CEP112: variants seen among roughly 807,000 people sequenced by gnomAD.
The protein encoded by CEP112 is centrosomal protein of 112 kDa.
In CEP112, 127 loss-of-function variants were observed where a neutral mutation model predicts 153.0. That is an observed-to-expected ratio of 0.83 (90% CI 0.72 to 0.96). CEP112 has a LOEUF of 0.96. Among genes scored for constraint, CEP112 ranks in the 40% least tolerant of loss-of-function variants. The pLI is 0.00. For synonymous variants in CEP112, 358 were observed against 374.4 expected (o/e 0.96, Z 0.51); for missense variants, 1,089 against 1,101.2 (o/e 0.99, Z 0.16).
rs144973913 is a variant in CEP112 at position 65,777,023 on chromosome 17, G to T, written c.2395-26299C>A. Among the ~76,000 whole-genome samples, 1,268 of 152,178 alleles carry T rather than the reference G, an allele frequency of 8.3e-3. 14 individuals carry two copies. Among genetic ancestry groups the T allele is most frequent in the South Asian group, 0.02 (97 of 4,822 alleles). ...TCCATAAGAATAAAATTTTTGGTTG[G>T]GCATCTGCTGTCCAGAATAAAGACT... On this transcript the variant is annotated intron_variant, in intron 21 of 26. Coordinates refer to ENST00000535342, the MANE Select transcript of CEP112 (RefSeq NM_001199165.4).
chr17:66,112,021 T>A (rs989683826), intron 6 of CEP112, among the ~76,000 whole-genome samples: 22 of 152,160 alleles, frequency 1.4e-4, no homozygotes, highest in African/African-American at 5.1e-4. Context: ...CCGGGTGCGG[T>A]GGCTCACACC....
chr17:66,157,442 C>T (rs2071493503), intron 4 of CEP112, among the ~76,000 whole-genome samples: 1 of 152,040 alleles, frequency 6.6e-6, no homozygotes, highest in Non-Finnish European at 1.5e-5. Context: ...TTATAAAAAC[C>T]ATCGACACTA....
chr17:65,889,623 C>T (rs370778719), intron 20 of CEP112, among the ~76,000 whole-genome samples: 3 of 152,238 alleles, frequency 2.0e-5, no homozygotes, highest in African/African-American at 7.2e-5. Flanking sequence ...TAGGAGATCT[C>T]ATCTTCACTG....
chr17:65,868,085 T>C (rs553769541), intron 20 of CEP112, among the ~76,000 whole-genome samples: 2 of 152,182 alleles, frequency 1.3e-5, no homozygotes, highest in African/African-American at 4.8e-5. Flanking sequence ...ATTCTTTCTG[T>C]TATATTTGGT....
chr17:65,699,868 A>G (rs2048538372), intron 23 of CEP112, among the ~76,000 whole-genome samples: 1 of 152,178 alleles, frequency 6.6e-6, no homozygotes, highest in Non-Finnish European at 1.5e-5. Flanking sequence ...CTCCTTCCTC[A>G]TCAGTGATCT....
chr17:65,908,048 C>A (rs187040634), intron 19 of CEP112, among the ~76,000 whole-genome samples: 1 of 152,150 alleles, frequency 6.6e-6, no homozygotes, highest in East Asian at 1.9e-4. Flanking sequence ...GCATCTGGAC[C>A]CATAATACAT....
intron 21 of CEP112, among the ~76,000 whole-genome samples, chr17:65,786,205 C>T (rs957743564): frequency 3.3e-5 from 5 of 152,006 alleles, no homozygotes; most frequent in Non-Finnish European, 5.9e-5. Flanking sequence ...TTCTTAATTT[C>T]ATTATCAGAT....
At chr17:65,639,836 CTT>C (rs554226605) in intron 25 of CEP112, among the ~76,000 whole-genome samples, 5 of 110,944 alleles carry the variant, frequency 4.5e-5, no homozygotes, top group Admixed American at 1.2e-4. Flanking sequence ...CTCTTTCTTT[CTT>C]TTTTTTTTTT....
chr17:65,977,346 C>T (rs940834115), intron 17 of CEP112, among the ~76,000 whole-genome samples: 8 of 152,104 alleles, frequency 5.3e-5, no homozygotes, highest in Non-Finnish European at 1.0e-4. Context: ...GAGTCAGTCT[C>T]GCAGTTTTCC....
At position 65,682,885 on chromosome 17, in the gene CEP112, T is replaced by C. The variant is rs138627131; in HGVS notation, c.2697+6244A>G. Among the ~76,000 whole-genome samples, 357 of 152,344 alleles carry C rather than the reference T, an allele frequency of 2.3e-3. 5 individuals are homozygous for C. Among genetic ancestry groups the C allele is most frequent in the African/African-American group, 8.1e-3 (337 of 41,566 alleles). On this transcript the variant is annotated intron_variant, in intron 24 of 26. Coordinates refer to ENST00000535342, the MANE Select transcript of CEP112 (RefSeq NM_001199165.4). The stretch of plus-strand genomic sequence containing the variant: ...ACACACGTTGCATCTCTATGATGTT[T>C]GATAGTTTTTGAAGTATTTTTACAC...
At position 66,132,740 on chromosome 17, in the gene CEP112, A is replaced by T. The variant is rs1454471852; in HGVS notation, c.494T>A (p.Leu165His). 1 of 1,613,684 alleles carries T rather than the reference A, an allele frequency of 6.2e-7. No homozygotes were observed. Among genetic ancestry groups the T allele is most frequent in the African/African-American group, 1.3e-5 (1 of 75,036 alleles). Residue 165 changes from leucine to histidine, a missense_variant, in exon 5 of 27, where the codon CTC (leucine) becomes CAC (histidine). Coordinates refer to ENST00000535342, the MANE Select transcript of CEP112 (RefSeq NM_001199165.4). ...VYSREQYTGKLRVRSHSLSPT... is the reference protein window; with the variant it reads ...VYSREQYTGKHRVRSHSLSPT... ...ACTCAAGGAGTGTGATCTCACTCGG[A>T]GCTTCCCAGTGTACTGTTCCCTGCT...
At chr17:65,993,978 G>A (rs1017960334) in intron 17 of CEP112, among the ~76,000 whole-genome samples, 1 of 149,248 alleles carries the variant, frequency 6.7e-6, no homozygotes, top group Non-Finnish European at 1.5e-5. Context: ...AAAACCATGA[G>A]ACTGCAGGAT....
chr17:65,826,080 G>C, intron 21 of CEP112: 1 of 1,552,204 alleles, frequency 6.4e-7, no homozygotes, highest in South Asian at 1.1e-5. Context: ...TCAGCAATGA[G>C]ATTTATTTTT....
At chr17:66,187,700 C>T (rs909419218) in intron 1 of CEP112, among the ~76,000 whole-genome samples, 4 of 152,186 alleles carry the variant, frequency 2.6e-5, no homozygotes, top group Non-Finnish European at 5.9e-5. Context: ...TCAGTACCAT[C>T]GCTTCAAGTA....
chr17:65,665,945 C>T (rs1033896278), intron 24 of CEP112, among the ~76,000 whole-genome samples: 2 of 152,152 alleles, frequency 1.3e-5, no homozygotes, highest in Non-Finnish European at 2.9e-5. Context: ...GCTTTGGGTA[C>T]TGACACCTGC....
At chr17:66,041,411 C>T (rs1315612391) in intron 12 of CEP112, among the ~76,000 whole-genome samples, 1 of 151,850 alleles carries the variant, frequency 6.6e-6, no homozygotes, top group East Asian at 1.9e-4. Context: ...ATTATAATAA[C>T]GAGAAAAAAA....
chr17:66,002,418 T>C (rs935244441), intron 17 of CEP112, among the ~76,000 whole-genome samples: 2 of 152,168 alleles, frequency 1.3e-5, no homozygotes, highest in African/African-American at 4.8e-5. Flanking sequence ...TAGAAGTCAT[T>C]AGGAGAAAAG....
At chr17:65,917,608 G>A (rs918483838) in intron 19 of CEP112, among the ~76,000 whole-genome samples, 6 of 151,994 alleles carry the variant, frequency 3.9e-5, no homozygotes, top group South Asian at 4.1e-4. Context: ...TGATTTTGCC[G>A]CCTATCTGAC....
At chr17:65,657,021 A>G (rs2046096502) in intron 24 of CEP112, among the ~76,000 whole-genome samples, 1 of 152,212 alleles carries the variant, frequency 6.6e-6, no homozygotes, top group Admixed American at 6.5e-5. Flanking sequence ...GCTGGCTTCA[A>G]AGCTGAGAAA....
Sources: allele counts gnomAD v4.1 joint callset (sites outside exome capture counted in the v4.1 genomes callset), GRCh38; gene constraint gnomAD v4.1.1; transcripts MANE v1.5; gene names NCBI Gene and HGNC (gene_info 2026-07-23, HGNC 2026-07-21).